The following NRXN3 variants were observed in gnomAD, a reference collection of about 807,000 sequenced individuals.
NRXN3 encodes the protein neurexin III.
A neutral mutation model predicts 137.6 loss-of-function variants in NRXN3; 32 were observed. The ratio of observed to expected loss-of-function variants is 0.23; its 90% CI spans 0.18 to 0.31. The LOEUF (loss-of-function observed/expected upper bound fraction) is 0.31. NRXN3 is among the 10% of genes least tolerant of loss of function. NRXN3 has a pLI of 1.00. For missense variants in NRXN3, 1,574 were observed against 2,062.5 expected (o/e 0.76, Z 4.59); for synonymous variants, 798 against 784.5 (o/e 1.02, Z -0.29).
chr14:78,543,555 T>TG (rs1424240088), intron 4 of NRXN3, among the ~76,000 whole-genome samples: 1 of 151,904 alleles, frequency 6.6e-6, no homozygotes. Flanking sequence ...TCTCTCTTGG[T>TG]GGGGGTCTGT....
chr14:78,817,907 A>T (rs927862800), intron 10 of NRXN3, among the ~76,000 whole-genome samples: 3 of 152,218 alleles, frequency 2.0e-5, no homozygotes, highest in Admixed American at 6.5e-5. Context: ...TATCCAAACC[A>T]TAGCAAGATA....
chr14:79,304,726 G>T (rs1236700587), intron 15 of NRXN3, among the ~76,000 whole-genome samples: 1 of 152,026 alleles, frequency 6.6e-6, no homozygotes, highest in Admixed American at 6.6e-5. Context: ...GCTGATGTTT[G>T]CAATTCAAGC....
At chr14:79,595,522 CA>C (rs2097851019) in intron 16 of NRXN3, among the ~76,000 whole-genome samples, 2 of 152,052 alleles carry the variant, frequency 1.3e-5, no homozygotes. Context: ...GTATAATTTC[CA>C]TTTAAATTTA....
intron 6 of NRXN3, among the ~76,000 whole-genome samples, chr14:78,687,252 A>G (rs1217608335): frequency 6.6e-6 from 1 of 152,188 alleles, no homozygotes; most frequent in Non-Finnish European, 1.5e-5. Context: ...ATCAAGCGCT[A>G]TTTAGCAAGG....
At chr14:79,786,600 G>C (rs1478364522) in intron 19 of NRXN3, among the ~76,000 whole-genome samples, 6 of 152,162 alleles carry the variant, frequency 3.9e-5, no homozygotes, top group Non-Finnish European at 7.3e-5. Context: ...AGTGTTTAGA[G>C]ACTGCCTTGT....
chr14:78,215,743 G>A (rs959740233), intron 1 of NRXN3, among the ~76,000 whole-genome samples: 1 of 121,882 alleles, frequency 8.2e-6, no homozygotes, highest in African/African-American at 3.1e-5. Context: ...GTTTGTGCTG[G>A]GGGGGTTTCG....
chr14:79,643,858 C>A (rs1390094186), intron 16 of NRXN3, among the ~76,000 whole-genome samples: 1 of 135,600 alleles, frequency 7.4e-6, no homozygotes, highest in African/African-American at 2.5e-5. Flanking sequence ...TCTACTGAAA[C>A]CCTGTTGAAT....
At chr14:79,353,689 G>A (rs2093316175) in intron 15 of NRXN3, among the ~76,000 whole-genome samples, 1 of 152,142 alleles carries the variant, frequency 6.6e-6, no homozygotes, top group Admixed American at 6.6e-5. Context: ...CTGACATATT[G>A]CTGGGTGCTT....
intron 10 of NRXN3, among the ~76,000 whole-genome samples, chr14:78,811,987 TC>T (rs1421946898): frequency 3.3e-5 from 5 of 152,202 alleles, no homozygotes; most frequent in Admixed American, 1.3e-4. Context: ...AGTTTTCTGT[TC>T]CTGTTTTTTT....
chr14:78,358,524 A>G (rs965736877), intron 4 of NRXN3, among the ~76,000 whole-genome samples: 1 of 152,306 alleles, frequency 6.6e-6, no homozygotes, highest in Admixed American at 6.5e-5. Context: ...GAACACTAAA[A>G]AGAGATTGGC....
At chr14:79,200,983 G>C (rs2065919481) in intron 15 of NRXN3, 1 of 152,058 alleles carries the variant, frequency 6.6e-6, no homozygotes, top group East Asian at 1.9e-4. Flanking sequence ...TATTCTTTGA[G>C]CTAAATAATA....
At chr14:79,306,735 C>T (rs529866478) in intron 15 of NRXN3, among the ~76,000 whole-genome samples, 4 of 152,174 alleles carry the variant, frequency 2.6e-5, no homozygotes, top group East Asian at 1.9e-4. Context: ...CCCCAGTTGT[C>T]GGCAAATTGC....
chr14:79,043,974 C>T (rs2152543277), intron 15 of NRXN3, among the ~76,000 whole-genome samples: 1 of 152,258 alleles, frequency 6.6e-6, no homozygotes, highest in South Asian at 2.1e-4. Context: ...TTTGCAGCAT[C>T]TGAGGATGAC....
At chr14:78,212,729 A>G (rs1017731112) in intron 1 of NRXN3, among the ~76,000 whole-genome samples, 1 of 152,154 alleles carries the variant, frequency 6.6e-6, no homozygotes, top group African/African-American at 2.4e-5. Context: ...GTGCTTTTTA[A>G]TCCAGATCTT....
At chr14:79,774,309 A>G (rs148530989) in intron 19 of NRXN3, among the ~76,000 whole-genome samples, 2,035 of 152,274 alleles carry the variant, frequency 0.013, 55 homozygotes, top group African/African-American at 0.047. Flanking sequence ...TGTACCTGAA[A>G]CAACCCTTGA....
At chr14:78,839,404 T>A (rs1269597235) in intron 10 of NRXN3, among the ~76,000 whole-genome samples, 1 of 152,182 alleles carries the variant, frequency 6.6e-6, no homozygotes, top group East Asian at 1.9e-4. Context: ...TTTTGCTTTT[T>A]TATCTTAAAA....
At chr14:79,225,604 T>C (rs529369657) in intron 15 of NRXN3, among the ~76,000 whole-genome samples, 5 of 152,240 alleles carry the variant, frequency 3.3e-5, no homozygotes, top group African/African-American at 1.2e-4. Flanking sequence ...GTTGCACTAG[T>C]CTAAAACTAG....
intron 9 of NRXN3, among the ~76,000 whole-genome samples, chr14:78,810,049 C>T (rs1028814227): frequency 6.7e-6 from 1 of 150,284 alleles, no homozygotes; most frequent in Non-Finnish European, 1.5e-5. Flanking sequence ...TTGGTGTCTA[C>T]TGTGGATATA....
At chr14:79,594,410 GA>G (rs900163363) in intron 16 of NRXN3, among the ~76,000 whole-genome samples, 1 of 151,756 alleles carries the variant, frequency 6.6e-6, no homozygotes, top group Admixed American at 6.6e-5. Context: ...TGGGGACAGA[GA>G]AAAAAAGGTG....
Sources: allele counts gnomAD v4.1 joint callset (sites outside exome capture counted in the v4.1 genomes callset), GRCh38; gene constraint gnomAD v4.1.1; transcripts MANE v1.5; gene names NCBI Gene and HGNC (gene_info 2026-07-23, HGNC 2026-07-21).